Variants in ZCCHC7 observed in about 807,000 individuals in gnomAD.
ZCCHC7 encodes zinc finger CCHC domain-containing protein 7.
ZCCHC7 carries 35 observed loss-of-function variants against 52.0 expected under a neutral mutation model. The observed-to-expected ratio is 0.67, with a 90% CI of 0.51 to 0.89. The LOEUF (loss-of-function observed/expected upper bound fraction) is 0.89, where lower values mean the gene tolerates loss of function less well. Ranked by LOEUF, ZCCHC7 falls within the 40% of genes least tolerant of loss-of-function variation. ZCCHC7 has a pLI of 0.00. For missense variants in ZCCHC7, 574 were observed against 649.1 expected, an observed-to-expected ratio of 0.88 and a Z score of 1.26; for synonymous variants, 217 against 221.5, an observed-to-expected ratio of 0.98 and a Z score of 0.18.
intron 2 of ZCCHC7, among the ~76,000 whole-genome samples, chr9:37,215,525 G>A (rs1194621568): frequency 6.6e-6 from 1 of 152,186 alleles, no homozygotes; most frequent in African/African-American, 2.4e-5. Context: ...AACTTAATAG[G>A]TTATTAAAAT....
At chr9:37,155,429 T>C (rs1820768178) in intron 2 of ZCCHC7, among the ~76,000 whole-genome samples, 1 of 152,138 alleles carries the variant, frequency 6.6e-6, no homozygotes, top group South Asian at 2.1e-4. Flanking sequence ...CAAATTGATA[T>C]TATTAATATG....
chr9:37,133,070 G>A (rs1185082292), intron 2 of ZCCHC7, among the ~76,000 whole-genome samples: 2 of 152,168 alleles, frequency 1.3e-5, no homozygotes, highest in Non-Finnish European at 2.9e-5. Flanking sequence ...GGAGACGGAG[G>A]TTGCAGTGAG....
chr9:37,354,888 T>G lies in ZCCHC7; in HGVS notation c.1198+64T>G. 2 of 1,046,384 alleles carry G rather than the reference T, an allele frequency of 1.9e-6. No homozygotes were observed. The highest frequency in any genetic ancestry group is 2.8e-5 in the South Asian group (2 of 70,732). The allele number at this position is 1,046,384 out of a possible 1,614,324, so 64.8% of individuals were successfully genotyped here. A position where few individuals can be genotyped will look rare whatever the true frequency, so the allele number is the denominator to read the frequency against. ...AGTTTCTAAATTTCTTTGTTTGTAC[T>G]GTCTTTGCCTGCTTTGGGGGTCATT... On this transcript the variant is annotated intron_variant, in intron 8 of 8. Transcript: ENST00000336755. This position sits in a 1 kb window ranked among gnomAD's most constrained non-coding sequence, Gnocchi z 4.0.
At chr9:37,212,551 T>C (rs923107402) in intron 2 of ZCCHC7, among the ~76,000 whole-genome samples, 11 of 152,168 alleles carry the variant, frequency 7.2e-5, no homozygotes, top group African/African-American at 2.4e-4. Context: ...ATCTGAATCA[T>C]TGAGATGAAC....
intron 2 of ZCCHC7, among the ~76,000 whole-genome samples, chr9:37,294,892 T>A (rs1325138266): frequency 6.6e-6 from 1 of 152,128 alleles, no homozygotes; most frequent in African/African-American, 2.4e-5. Context: ...CCAGGATCCT[T>A]GAAAATATAG....
chr9:37,195,137 G>A (rs1410852038), intron 2 of ZCCHC7, among the ~76,000 whole-genome samples: 1 of 151,686 alleles, frequency 6.6e-6, no homozygotes, highest in African/African-American at 2.4e-5. Flanking sequence ...AGTGAAGACG[G>A]GGTTTTACCA....
chr9:37,338,466 A>G (rs918711426), intron 6 of ZCCHC7, among the ~76,000 whole-genome samples: 4 of 152,326 alleles, frequency 2.6e-5, no homozygotes, highest in Non-Finnish European at 4.4e-5. Flanking sequence ...AACATAAAGT[A>G]GTGCAAGACC....
At chr9:37,195,121 A>G (rs1436895522) in intron 2 of ZCCHC7, among the ~76,000 whole-genome samples, 1 of 150,974 alleles carries the variant, frequency 6.6e-6, no homozygotes, top group Non-Finnish European at 1.5e-5. Context: ...TAATTTTTGT[A>G]TTTTCAGTGA....
intron 1 of ZCCHC7, among the ~76,000 whole-genome samples, chr9:37,123,969 G>A (rs1842433471): frequency 6.6e-6 from 1 of 152,086 alleles, no homozygotes; most frequent in South Asian, 2.1e-4. Flanking sequence ...CATTACAGGT[G>A]GGTTTATTTG....
intron 2 of ZCCHC7, chr9:37,186,619 T>A: frequency 2.3e-6 from 1 of 430,570 alleles, no homozygotes; most frequent in Non-Finnish European, 4.4e-6. Flanking sequence ...TAAGAATGCA[T>A]TAGTATTGCT....
At chr9:37,317,329 A>G (rs1829866439) in intron 5 of ZCCHC7, among the ~76,000 whole-genome samples, 1 of 152,264 alleles carries the variant, frequency 6.6e-6, no homozygotes, top group African/African-American at 2.4e-5. Context: ...GGGAAAAGTC[A>G]GAGAAAAAAA....
At chr9:37,140,667 A>G (rs1246045875) in intron 2 of ZCCHC7, among the ~76,000 whole-genome samples, 2 of 151,990 alleles carry the variant, frequency 1.3e-5, no homozygotes, top group African/African-American at 4.8e-5. Flanking sequence ...AACAGAAGAA[A>G]CGTAAGTGTT....
intron 5 of ZCCHC7, among the ~76,000 whole-genome samples, chr9:37,313,877 C>T (rs1829701157): frequency 6.6e-6 from 1 of 152,180 alleles, no homozygotes; most frequent in South Asian, 2.1e-4. Flanking sequence ...TCATAAATTA[C>T]CCCAGTGTCA....
chr9:37,124,300 G>A (rs1410513771), intron 1 of ZCCHC7, among the ~76,000 whole-genome samples: 1 of 151,756 alleles, frequency 6.6e-6, no homozygotes, highest in South Asian at 2.1e-4. Context: ...TAGAGTTTTG[G>A]TTGCTGATGC....
intron 1 of ZCCHC7, among the ~76,000 whole-genome samples, chr9:37,123,353 C>G (rs1842408191): frequency 6.6e-6 from 1 of 152,154 alleles, no homozygotes. Context: ...GACCTTAACC[C>G]TGGCATACAT....
intron 2 of ZCCHC7, among the ~76,000 whole-genome samples, chr9:37,252,666 T>C (rs867901228): frequency 4.6e-5 from 7 of 152,310 alleles, no homozygotes; most frequent in Middle Eastern, 6.8e-3. Context: ...TTGCAAATTA[T>C]TGTTTTAACT....
chr9:37,215,306 T>A (rs997198503), intron 2 of ZCCHC7, among the ~76,000 whole-genome samples: 2 of 152,216 alleles, frequency 1.3e-5, no homozygotes, highest in African/African-American at 4.8e-5. Flanking sequence ...GACACATTTT[T>A]AATTTTCAGA....
chr9:37,295,920 A>AGG (rs1283749272), intron 2 of ZCCHC7, among the ~76,000 whole-genome samples: 1 of 152,170 alleles, frequency 6.6e-6, no homozygotes, highest in African/African-American at 2.4e-5. Context: ...GAAACCACAA[A>AGG]GGGGGACAAG....
intron 2 of ZCCHC7, among the ~76,000 whole-genome samples, chr9:37,202,725 T>G (rs1037614985): frequency 6.6e-6 from 1 of 152,232 alleles, no homozygotes; most frequent in Non-Finnish European, 1.5e-5. Context: ...CAAGCGATCC[T>G]CCTGCCTTGG....
Sources: allele counts gnomAD v4.1 joint callset (sites outside exome capture counted in the v4.1 genomes callset), GRCh38; gene constraint gnomAD v4.1.1; non-coding constraint Gnocchi (gnomAD v3.1); transcripts MANE v1.5; gene names NCBI Gene and HGNC (gene_info 2026-07-23, HGNC 2026-07-21).